Variants in SORBS2 observed in about 807,000 individuals in gnomAD.
SORBS2 encodes sorbin and SH3 domain-containing protein 2.
SORBS2 carries 46 observed loss-of-function variants against 97.7 expected under a neutral mutation model. The observed-to-expected ratio is 0.47, with a 90% confidence interval of 0.37 to 0.60. SORBS2 has a LOEUF of 0.60. SORBS2 is among the 20% of genes least tolerant of loss of function. SORBS2 has a pLI of 0.00. For missense variants in SORBS2, 1,316 were observed against 1,282.3 expected, an observed-to-expected ratio of 1.03 and a Z score of -0.40; for synonymous variants, 476 against 473.4, an observed-to-expected ratio of 1.01 and a Z score of -0.07.
intron 1 of SORBS2, among the ~76,000 whole-genome samples, chr4:185,863,708 G>T (rs914131986): frequency 6.6e-6 from 1 of 152,172 alleles, no homozygotes; most frequent in African/African-American, 2.4e-5. Context: ...TGTAATTGGA[G>T]TGTGGACCTA....
At chr4:185,938,125 G>C (rs895756466) in intron 1 of SORBS2, among the ~76,000 whole-genome samples, 4 of 150,318 alleles carry the variant, frequency 2.7e-5, no homozygotes, top group South Asian at 4.2e-4. Context: ...TCTCCTGTGA[G>C]TAGCTGGGAT....
intron 4 of SORBS2, among the ~76,000 whole-genome samples, chr4:185,634,773 C>A (rs1412904835): frequency 6.6e-6 from 1 of 152,074 alleles, no homozygotes; most frequent in Non-Finnish European, 1.5e-5. Flanking sequence ...GTTATAGTGG[C>A]TGCCTGGATT....
intron 1 of SORBS2, among the ~76,000 whole-genome samples, chr4:185,890,708 C>T (rs1280669540): frequency 6.6e-6 from 1 of 152,134 alleles, no homozygotes; most frequent in Non-Finnish European, 1.5e-5. Flanking sequence ...TTCTCTTGCT[C>T]CTTCACAGCT....
intron 1 of SORBS2, among the ~76,000 whole-genome samples, chr4:185,883,120 G>C (rs1165783682): frequency 6.6e-6 from 1 of 152,054 alleles, no homozygotes; most frequent in Non-Finnish European, 1.5e-5. Context: ...AGAAAGGCAA[G>C]CCACAGACAG....
chr4:185,676,659 T>C (rs2097791939), intron 4 of SORBS2, among the ~76,000 whole-genome samples: 2 of 152,230 alleles, frequency 1.3e-5, no homozygotes, highest in Admixed American at 1.3e-4. Flanking sequence ...AATATTTCTT[T>C]GAAACCTAAA....
At chr4:185,860,018 T>C (rs538415549) in intron 1 of SORBS2, among the ~76,000 whole-genome samples, 8 of 152,210 alleles carry the variant, frequency 5.3e-5, no homozygotes, top group Non-Finnish European at 1.2e-4. Flanking sequence ...TTTTCCTTTT[T>C]AACATTGGAG....
At chr4:185,783,355 G>T (rs1445535312) in intron 1 of SORBS2, among the ~76,000 whole-genome samples, 1 of 152,180 alleles carries the variant, frequency 6.6e-6, no homozygotes, top group Non-Finnish European at 1.5e-5. Flanking sequence ...TGTTAGCAAC[G>T]ACTACAGTGC....
chr4:185,948,446 T>C (rs2099275572), intron 1 of SORBS2, among the ~76,000 whole-genome samples: 1 of 151,410 alleles, frequency 6.6e-6, no homozygotes, highest in African/African-American at 2.4e-5. Context: ...GTTTCCACAC[T>C]CCAGTAGTTC....
chr4:185,689,905 A>G (rs2098058894), intron 2 of SORBS2, among the ~76,000 whole-genome samples: 1 of 152,206 alleles, frequency 6.6e-6, no homozygotes, highest in Admixed American at 6.5e-5. Context: ...ATTACTTTGT[A>G]TTGTATATTT....
rs73028096 is a variant in SORBS2 at position 185,632,195 on chromosome 4, C to T, written c.397-1597G>A. On this transcript the variant is annotated intron_variant, in intron 4 of 14. Coordinates refer to ENST00000418609, the Ensembl canonical transcript of SORBS2. ...TATCAGTCTTACAAGGTCCCTTTTG[C>T]ATAACTTACGCTTCTATTAACTAAT... Among the ~76,000 whole-genome samples, 256 of 152,316 alleles carry T rather than the reference C, an allele frequency of 1.7e-3. 5 individuals are homozygous for T. The highest frequency in any genetic ancestry group is 5.9e-3 in the African/African-American group (246 of 41,572).
chr4:185,824,048 G>A (rs1021634595), intron 1 of SORBS2, among the ~76,000 whole-genome samples: 1 of 152,038 alleles, frequency 6.6e-6, no homozygotes. Context: ...TATCAAAATG[G>A]CCATGGTTAC....
At chr4:185,736,999 T>G (rs2098691813) in intron 2 of SORBS2, among the ~76,000 whole-genome samples, 1 of 152,210 alleles carries the variant, frequency 6.6e-6, no homozygotes, top group Non-Finnish European at 1.5e-5. Flanking sequence ...GTGAAAAATG[T>G]CTGAGTTCCG....
At chr4:185,593,642 G>A (rs2096012363) in intron 13 of SORBS2, 2 of 484,504 alleles carry the variant, frequency 4.1e-6, no homozygotes, top group Non-Finnish European at 3.7e-6. Flanking sequence ...AATCACTGAA[G>A]CATTGGGAAG....
Position 185,879,978 on chromosome 4 carries a change from C to T in SORBS2, c.-338+76218G>A, listed in dbSNP as rs981738364. On this transcript the variant is annotated intron_variant, in intron 1 of 20. Coordinates refer to the SORBS2 transcript ENST00000284776. ...CACGGCAGTTGTGAAAATAAAAGAA[C>T]GAAAGAATGAACAAAAGGAAAGTGA... Among the ~76,000 whole-genome samples the T allele has an allele frequency of 5.3e-5, 8 of 152,208 alleles. No homozygotes were observed. In the South Asian group the frequency reaches 1.0e-3, roughly 20 times the overall value.
chr4:185,614,147 TTGTTTTTTTG>T (rs1446547563), intron 11 of SORBS2, among the ~76,000 whole-genome samples: 6 of 147,772 alleles, frequency 4.1e-5, no homozygotes, highest in South Asian at 4.2e-4. Context: ...AGGTTTTTGA[TTGTTTTTTTG>T]TGTTTTTTTT....
chr4:185,777,052 T>C (rs2099003635), intron 1 of SORBS2, among the ~76,000 whole-genome samples: 1 of 152,092 alleles, frequency 6.6e-6, no homozygotes, highest in African/African-American at 2.4e-5. Flanking sequence ...TTATGCCATG[T>C]GAAAAAAAAG....
At chr4:185,712,475 C>T (rs2098429581) in intron 2 of SORBS2, among the ~76,000 whole-genome samples, 1 of 152,240 alleles carries the variant, frequency 6.6e-6, no homozygotes, top group Non-Finnish European at 1.5e-5. Flanking sequence ...GGCAAGAGCT[C>T]AGAAGCCACC....
At chr4:185,892,708 TA>T (rs558597483) in intron 1 of SORBS2, among the ~76,000 whole-genome samples, 227 of 152,312 alleles carry the variant, frequency 1.5e-3, no homozygotes, top group African/African-American at 3.3e-3. Context: ...CATAATGAAG[TA>T]CCTGGAGAAG....
At chr4:185,626,767 T>C in intron 6 of SORBS2, 65 bp downstream of exon 18, 3 of 1,510,422 alleles carry the variant, frequency 2.0e-6, no homozygotes, top group Non-Finnish European at 2.8e-6. Flanking sequence ...GGGCCAGCTT[T>C]CACACAGTGC....
Sources: allele counts gnomAD v4.1 joint callset (sites outside exome capture counted in the v4.1 genomes callset), GRCh38; gene constraint gnomAD v4.1.1; transcripts MANE v1.5; gene names NCBI Gene and HGNC (gene_info 2026-07-23, HGNC 2026-07-21).